RUSC2: variants seen among roughly 807,000 people sequenced by gnomAD.
RUSC2 encodes the protein RUN and SH3 domain containing 2.
Under a neutral mutation model 122.2 loss-of-function variants are expected in RUSC2, and 34 were observed. That is an observed-to-expected ratio of 0.28 (90% CI 0.21 to 0.37). RUSC2 has a LOEUF of 0.37. Among genes scored for constraint, RUSC2 ranks in the 10% least tolerant of loss-of-function variants. The pLI, the probability that RUSC2 is intolerant of heterozygous loss-of-function variation, is 1.00. For synonymous variants in RUSC2, 784 were observed against 790.0 expected (o/e 0.99, Z 0.13); for missense variants, 1,747 against 1,952.4 (o/e 0.89, Z 1.98).
rs1191336245 is a variant in RUSC2, at chr9:35,548,310, C to T, written c.1789C>T (p.Leu597=). 2 of 1,613,980 alleles carry T rather than the reference C, an allele frequency of 1.2e-6. No individual in the cohort carries two copies. The highest frequency in any genetic ancestry group is 2.2e-5 in the South Asian group (2 of 91,090). Residue 597 remains leucine, a synonymous_variant, in exon 2 of 12, where the codon CTG becomes TTG. Transcript: ENST00000361226. This position sits in a 1 kb window ranked among gnomAD's most constrained non-coding sequence, Gnocchi z 4.5. ...LDEGTCCSHS[L]PPMPLGPGMD... ...TGAGGGCACTTGCTGTAGCCATAGC[C>T]TGCCACCCATGCCTTTGGGGCCAGG... is the stretch of plus-strand genomic sequence containing the variant.
intron 1 of RUSC2, among the ~76,000 whole-genome samples, chr9:35,499,019 G>C (rs1820772128): frequency 6.6e-6 from 1 of 152,158 alleles, no homozygotes; most frequent in South Asian, 2.1e-4. Context: ...AGGCGTGGCG[G>C]CTTATGCCTG....
intron 2 of RUSC2, chr9:35,549,355 C>A: frequency 3.4e-6 from 1 of 290,362 alleles, no homozygotes; most frequent in Non-Finnish European, 5.1e-6. Flanking sequence ...AGTGCAGTGG[C>A]CTCCCTAGGC....
rs143569329 is a variant in RUSC2 at position 35,546,757 on chromosome 9, G to A, written c.236G>A (p.Arg79Gln). Residue 79 changes from arginine to glutamine, a missense_variant, in exon 2 of 12, where the codon CGG becomes CAG. Physicochemically the swap from Arg to Gln is conservative, Grantham distance 43. Transcript: ENST00000361226. This position sits in a 1 kb window ranked among gnomAD's most constrained non-coding sequence, Gnocchi z 4.3. ...CACTCTACTCCAGGAGGAACTGCAC[G>A]GTCTATAGACAGCACCAAGAGTAGG... Reference protein sequence around the residue: ...SLHSTPGGTARSIDSTKSRSR... With the variant: ...SLHSTPGGTAQSIDSTKSRSR... 14 of 1,589,790 alleles carry A rather than the reference G, an allele frequency of 8.8e-6. No homozygotes were observed. The African/African-American group carries it at 9.4e-5, about 11-fold the overall frequency.
At chr9:35,554,476 G>A (rs142190038) in intron 2 of RUSC2, among the ~76,000 whole-genome samples, 6 of 152,316 alleles carry the variant, frequency 3.9e-5, no homozygotes, top group African/African-American at 7.2e-5. Flanking sequence ...TTGGAGATGG[G>A]ATAATGAGCA....
In RUSC2 at chr9:35,561,420, A is replaced by G. The variant is rs772826967; in HGVS notation, c.*38A>G. ...GCTGGTGGCCTCAGGGACCCTCATA[A>G]CCCCCAGACTCAGAGCCCGAGAGCC... On this transcript the variant is annotated 3_prime_UTR_variant, in exon 12 of 12. Coordinates refer to ENST00000361226, the MANE Select transcript of RUSC2 (RefSeq NM_014806.5). The G allele has an allele frequency of 2.0e-6, 3 of 1,531,300 alleles. No homozygotes were observed. The South Asian group carries it at 3.7e-5, about 19-fold the overall frequency. 94.9% of individuals were successfully genotyped at this position (1,531,300 alleles called of 1,614,324 possible). A position where few individuals can be genotyped will look rare whatever the true frequency, so the allele number is the denominator to read the frequency against.
chr9:35,536,669 C>T (rs992561269), intron 1 of RUSC2, among the ~76,000 whole-genome samples: 2 of 151,898 alleles, frequency 1.3e-5, no homozygotes, highest in Non-Finnish European at 2.9e-5. Flanking sequence ...AAAACTTAGC[C>T]GGGGCATGGT....
chr9:35,495,022 T>TTATATATTATATATACTATAG lies in RUSC2; in HGVS notation c.-93+4858_-93+4878dup, dbSNP rs1564239868. Reference sequence around the variant, plus strand: ...TATTATATATACTACAGTATATATTTTATATATTATATATACTATAGTATA... The same window carrying TTATATATTATATATACTATAG: ...TATTATATATACTACAGTATATATTTTATATATTATATATACTATAGTATATATTATATATACTATAGTATA... On this transcript the variant is annotated intron_variant, in intron 1 of 11. Transcript: ENST00000361226. 1.0e-3 allele frequency among the ~76,000 whole-genome samples: 35 copies of TTATATATTATATATACTATAG among 35,030 alleles called. No homozygotes were observed. The South Asian group carries it at 0.014, about 14-fold the overall frequency. 23.0% of individuals were successfully genotyped at this position (35,030 alleles called of 152,430 possible).
At chr9:35,515,762 G>A (rs186918277) in intron 1 of RUSC2, among the ~76,000 whole-genome samples, 178 of 152,084 alleles carry the variant, frequency 1.2e-3, no homozygotes, top group Non-Finnish European at 2.0e-3. Flanking sequence ...ACTTTGGGAG[G>A]CTGAGGTGGG....
chr9:35,546,530 TC>T lies in RUSC2; in HGVS notation c.14del (p.Pro5GlnfsTer3). Reference protein sequence around the residue: MDSPPKLTGETLIV... With the variant: MDSXPKLTGETLIV... ...TATTCGAACTTTCCAGAATGGATAG[TC>T]CCCCAAAGCTGACTGGAGAGACCCT... On this transcript the variant is annotated frameshift_variant, in exon 2 of 12. Coordinates refer to ENST00000361226, the MANE Select transcript of RUSC2 (RefSeq NM_014806.5). LOFTEE classifies it high-confidence loss of function. This position sits in a 1 kb window ranked among gnomAD's most constrained non-coding sequence, Gnocchi z 4.3. 6.9e-7 allele frequency: 1 copy of T among 1,442,944 alleles called. No homozygotes were observed. The highest frequency in any genetic ancestry group is 9.1e-7 in the Non-Finnish European group (1 of 1,095,314). 89.4% of individuals were successfully genotyped at this position (1,442,944 alleles called of 1,614,324 possible). A position where few individuals can be genotyped will look rare whatever the true frequency, so the allele number is the denominator to read the frequency against.
rs1375928911 is a variant in RUSC2, at chr9:35,561,325, G to T, written c.4494G>T (p.Leu1498=). 2 of 1,614,110 alleles carry T rather than the reference G, an allele frequency of 1.2e-6. No individual in the cohort carries two copies. Among genetic ancestry groups the T allele is most frequent in the Non-Finnish European group, 8.5e-7 (1 of 1,180,006 alleles). Residue 1498 remains leucine (L), a synonymous_variant, in exon 12 of 12, where the codon CTG becomes CTT. Coordinates refer to ENST00000361226, the MANE Select transcript of RUSC2 (RefSeq NM_014806.5). ...SRGPDSGLVP[L]AYVTLTPTPS... ...GCCCCGACTCTGGCCTGGTGCCCCT[G>T]GCCTACGTGACATTGACCCCAACTC...
chr9:35,516,460 G>T lies in RUSC2; in HGVS notation c.-93+26288G>T, dbSNP rs1452307119. On this transcript the variant is annotated intron_variant, in intron 1 of 11. Coordinates refer to ENST00000361226, the MANE Select transcript of RUSC2 (RefSeq NM_014806.5). ...TGGGGGAAAGAAAAAAAAAGGCCTT[G>T]TAGGGGTATGGGATAGTATTAAGCA... 5.3e-5 allele frequency among the ~76,000 whole-genome samples: 8 copies of T among 152,328 alleles called. No individual in the cohort carries two copies. The South Asian group carries it at 1.7e-3, about 32-fold the overall frequency.
chr9:35,555,651 G>A lies in RUSC2; in HGVS notation c.2606G>A (p.Ser869Asn). ...CGATCTGGCCTCAGCCGAGCAGAGA[G>A]CCTGGCCCGGGGAGGTGGTGAGGGC... ...SWRSGLSRAE[S>N]LARGGGEGSM... Residue 869 changes from serine (S) to asparagine (N), a missense_variant, in exon 3 of 12, where the codon AGC (serine) becomes AAC (asparagine). Ser to Asn is a conservative substitution (Grantham distance 46). Transcript: ENST00000361226. This position sits in a 1 kb window ranked among gnomAD's most constrained non-coding sequence, Gnocchi z 4.6. 1 of 1,607,944 alleles carries A rather than the reference G, an allele frequency of 6.2e-7. No individual in the cohort carries two copies. Among genetic ancestry groups the A allele is most frequent in the Non-Finnish European group, 8.5e-7 (1 of 1,179,734 alleles).
At chr9:35,495,038 C>CTATAGTATATATAATA (rs1820657807) in intron 1 of RUSC2, among the ~76,000 whole-genome samples, 6 of 70,428 alleles carry the variant, frequency 8.5e-5, no homozygotes, top group Non-Finnish European at 1.0e-4. Flanking sequence ...ATTATATATA[C>CTATAGTATATATAATA]TATAGTATAT....
intron 1 of RUSC2, among the ~76,000 whole-genome samples, chr9:35,492,063 T>G (rs1820578578): frequency 6.6e-6 from 1 of 152,186 alleles, no homozygotes; most frequent in Admixed American, 6.5e-5. Flanking sequence ...TAACAGTATC[T>G]TTTTAATGGC....
At chr9:35,552,644 A>T (rs1334067261) in intron 2 of RUSC2, among the ~76,000 whole-genome samples, 1 of 152,014 alleles carries the variant, frequency 6.6e-6, no homozygotes, top group Non-Finnish European at 1.5e-5. Flanking sequence ...ATAGTCTCTC[A>T]CTCCTCCGAA....
chr9:35,527,858 T>A (rs1191894005), intron 1 of RUSC2, among the ~76,000 whole-genome samples: 1 of 152,242 alleles, frequency 6.6e-6, no homozygotes, highest in Non-Finnish European at 1.5e-5. Flanking sequence ...TGAACTTCCT[T>A]CAGGCTTCCC....
At chr9:35,549,032 C>CAA (rs1235517106) in intron 2 of RUSC2, 37 of 709,150 alleles carry the variant, frequency 5.2e-5, no homozygotes, top group African/African-American at 1.9e-4. Context: ...GATTCTGTCT[C>CAA]AAAAAAAAAA....
chr9:35,513,405 GC>G (rs1380575747), intron 1 of RUSC2, among the ~76,000 whole-genome samples: 2 of 151,800 alleles, frequency 1.3e-5, no homozygotes, highest in East Asian at 3.9e-4. Flanking sequence ...ACCATGCCAA[GC>G]TAATTTTCAT....
At chr9:35,498,085 GT>G (rs1820754111) in intron 1 of RUSC2, among the ~76,000 whole-genome samples, 1 of 151,608 alleles carries the variant, frequency 6.6e-6, no homozygotes. Flanking sequence ...TAGTTCTAAT[GT>G]TTTTGTGGCA....
Sources: gnomAD v4.1 joint callset for allele counts (sites outside exome capture counted in the v4.1 genomes callset) on GRCh38, gnomAD v4.1.1 for gene constraint, Gnocchi (gnomAD v3.1) non-coding constraint, MANE v1.5 for transcripts, NCBI Gene and HGNC (gene_info 2026-07-23, HGNC 2026-07-21) for gene names.